The following PRKDC variants were observed in gnomAD, a reference collection of about 807,000 sequenced individuals.
PRKDC encodes the protein DNA-dependent protein kinase catalytic subunit.
Under a neutral mutation model 486.9 loss-of-function variants are expected in PRKDC, and 82 were observed. The observed-to-expected ratio is 0.17, with a 90% CI of 0.14 to 0.20. The LOEUF (loss-of-function observed/expected upper bound fraction) is 0.20, where lower values mean the gene tolerates loss of function less well. PRKDC is among the 10% of genes least tolerant of loss of function. The probability of loss-of-function intolerance (pLI) is 1.00; values close to 1 mark genes in which losing one functional copy is unlikely to be tolerated. For synonymous variants in PRKDC, 1,895 were observed against 1,837.0 expected (o/e 1.03, Z -0.81); for missense variants, 4,504 against 5,038.2 (o/e 0.89, Z 3.21).
At chr8:47,880,283 A>G (rs1448510535) in intron 38 of PRKDC, among the ~76,000 whole-genome samples, 1 of 152,200 alleles carries the variant, frequency 6.6e-6, no homozygotes, top group South Asian at 2.1e-4. Context: ...AATGTACTGT[A>G]CAAGCTTTGT....
rs2086940097 is a variant in PRKDC at position 47,794,329 on chromosome 8, T to A, written c.10631A>T (p.Asp3544Val). 6 of 1,613,410 alleles carry A rather than the reference T, an allele frequency of 3.7e-6. No homozygotes were observed. Among genetic ancestry groups the A allele is most frequent in the Non-Finnish European group, 4.2e-6 (5 of 1,179,674 alleles). The change falls in exon 74 of 86, where the codon GAT becomes GTT. Residue 3544 changes from aspartate (D) to valine (V), a missense_variant. Transcript: ENST00000314191. ...IISSESYSFK[D>V]TSTGHKNKEF... ...CTTATTCTTATGACCAGTAGAAGTA[T>A]CCTTGAAGGAATAGCTTTCGCTGCT...
intron 30 of PRKDC, among the ~76,000 whole-genome samples, chr8:47,896,646 CAA>C (rs142849899): frequency 1.3e-4 from 7 of 52,872 alleles, no homozygotes; most frequent in Admixed American, 4.4e-4. Flanking sequence ...GACTCCGTCT[CAA>C]AAAAAAAAAA....
At position 47,850,868 on chromosome 8, in the gene PRKDC, G is replaced by A. The variant is rs549230865; in HGVS notation, c.7006-1365C>T. ...TCTGTCGCCCAGGCTGGAGTGCAGT[G>A]GTGTGATCTCAGCTCACTCCAACCT... is the stretch of plus-strand genomic sequence containing the variant. On this transcript the variant is annotated intron_variant, in intron 52 of 85. Coordinates refer to ENST00000314191, the MANE Select transcript of PRKDC (RefSeq NM_006904.7). 7.5e-4 allele frequency among the ~76,000 whole-genome samples: 114 copies of A among 152,256 alleles called. 1 individual carries two copies. Among genetic ancestry groups the A allele is most frequent in the East Asian group, 7.7e-4 (4 of 5,176 alleles).
intron 34 of PRKDC, among the ~76,000 whole-genome samples, chr8:47,887,997 G>T (rs554725624): frequency 6.6e-6 from 1 of 152,078 alleles, no homozygotes; most frequent in East Asian, 1.9e-4. Context: ...CTGGGACTAC[G>T]GGTCCGCGGC....
chr8:47,928,138 AAG>A (rs917454104), intron 19 of PRKDC, among the ~76,000 whole-genome samples: 7 of 151,972 alleles, frequency 4.6e-5, no homozygotes, highest in African/African-American at 1.7e-4. Context: ...GAATTATGTT[AAG>A]AGAGCTTGAG....
intron 74 of PRKDC, 64 bp from the exon 75 acceptor site, chr8:47,789,302 A>T (rs2086845825): frequency 1.3e-6 from 1 of 779,308 alleles, no homozygotes; most frequent in African/African-American, 1.8e-5. Context: ...TATATATTTT[A>T]TATACCATAC....
chr8:47,875,891 TTC>T (rs1332977002), intron 40 of PRKDC, among the ~76,000 whole-genome samples: 3 of 152,204 alleles, frequency 2.0e-5, no homozygotes, highest in African/African-American at 4.8e-5. Context: ...CCGTGCAGAA[TTC>T]TGTTTTATAG....
chr8:47,798,454 TATG>T (rs2087026249), intron 72 of PRKDC, 57 bp from the exon 73 acceptor site: 1 of 1,472,158 alleles, frequency 6.8e-7, no homozygotes. Context: ...ATCCATAAAC[TATG>T]ATGTTAAATG....
intron 65 of PRKDC, 120 bp downstream of exon 65, chr8:47,821,484 A>G: frequency 1.1e-6 from 1 of 915,582 alleles, no homozygotes; most frequent in Non-Finnish European, 1.7e-6. Context: ...GACTCAGGTC[A>G]TGCAATTCCC....
intron 40 of PRKDC, among the ~76,000 whole-genome samples, chr8:47,865,138 A>G (rs2088777969): frequency 6.6e-6 from 1 of 152,246 alleles, no homozygotes; most frequent in South Asian, 2.1e-4. Flanking sequence ...CTGTAATCCC[A>G]GCACTTTGGG....
At chr8:47,869,283 G>T (rs894737405) in intron 40 of PRKDC, among the ~76,000 whole-genome samples, 1 of 151,452 alleles carries the variant, frequency 6.6e-6, no homozygotes, top group African/African-American at 2.4e-5. Context: ...CTTGAGGACA[G>T]GAAGGGGAGA....
intron 19 of PRKDC, 32 bp downstream of exon 19, chr8:47,929,060 G>T: frequency 7.3e-7 from 1 of 1,371,150 alleles, no homozygotes; most frequent in Non-Finnish European, 1.0e-6. Context: ...AACAGTTCAT[G>T]ATAACACTAA....
intron 30 of PRKDC, among the ~76,000 whole-genome samples, chr8:47,895,946 G>A (rs1005228779): frequency 1.3e-5 from 2 of 152,082 alleles, no homozygotes; most frequent in Non-Finnish European, 2.9e-5. Context: ...GGATGAGGCA[G>A]GAGAATTGCT....
intron 64 of PRKDC, 123 bp downstream of exon 64, chr8:47,823,735 A>G (rs1007372254): frequency 2.4e-5 from 28 of 1,177,906 alleles, no homozygotes; most frequent in Non-Finnish European, 3.1e-5. Flanking sequence ...CCTCATCAAC[A>G]TTGTAACGAA....
intron 36 of PRKDC, 81 bp downstream of exon 36, chr8:47,885,863 G>C (rs1363093641): frequency 7.1e-7 from 1 of 1,401,792 alleles, no homozygotes; most frequent in African/African-American, 1.4e-5. Context: ...CTGCACTCCA[G>C]CCTGGGCGAA....
chr8:47,773,472 G>T lies in PRKDC; in HGVS notation c.*701C>A, dbSNP rs2086555252. On this transcript the variant is annotated 3_prime_UTR_variant, in exon 86 of 86. Transcript: ENST00000314191. The stretch of plus-strand genomic sequence containing the variant: ...CAAATTCAATGCAAAGCACTTTTAT[G>T]TATCTTCCAGTTGTAGATTGGAATA... The T allele has an allele frequency of 9.2e-6, 2 of 218,378 alleles. No individual in the cohort carries two copies. Among genetic ancestry groups the T allele is most frequent in the East Asian group, 1.4e-4 (2 of 14,728 alleles). The allele number at this position is 218,378 out of a possible 1,614,324, so 13.5% of individuals were successfully genotyped here.
chr8:47,904,782 G>A (rs772118230), intron 26 of PRKDC, 87 bp downstream of exon 26: 4 of 1,104,182 alleles, frequency 3.6e-6, no homozygotes, highest in Admixed American at 2.1e-5. Context: ...GACGGAGCAA[G>A]ACTGTCTCAA....
intron 21 of PRKDC, among the ~76,000 whole-genome samples, chr8:47,923,365 T>C (rs1264257143): frequency 6.6e-6 from 1 of 152,194 alleles, no homozygotes; most frequent in Non-Finnish European, 1.5e-5. Context: ...AATCATTCTA[T>C]GTAATCTGCC....
chr8:47,871,471 G>T (rs1185875733), intron 40 of PRKDC, among the ~76,000 whole-genome samples: 1 of 152,282 alleles, frequency 6.6e-6, no homozygotes, highest in East Asian at 1.9e-4. Context: ...TTTTTTCCTA[G>T]AACAGTATAT....
Sources: allele counts gnomAD v4.1 joint callset (sites outside exome capture counted in the v4.1 genomes callset), GRCh38; gene constraint gnomAD v4.1.1; transcripts MANE v1.5; gene names NCBI Gene and HGNC (gene_info 2026-07-23, HGNC 2026-07-21).